The following JCAD variants were observed in gnomAD, a reference collection of about 807,000 sequenced individuals.
JCAD encodes the protein junctional cadherin 5 associated.
JCAD carries 40 observed loss-of-function variants against 98.0 expected under a neutral mutation model. The ratio of observed to expected loss-of-function variants is 0.41; its 90% CI spans 0.32 to 0.53. The LOEUF (loss-of-function observed/expected upper bound fraction) is 0.53. Ranked by LOEUF, JCAD falls within the 20% of genes least tolerant of loss-of-function variation. The pLI is 0.31. For synonymous variants in JCAD, 691 were observed against 682.3 expected, an observed-to-expected ratio of 1.01 and a Z score of -0.20; for missense variants, 1,705 against 1,738.1, an observed-to-expected ratio of 0.98 and a Z score of 0.34.
At position 30,029,414 on chromosome 10, in the gene JCAD, T is replaced by G. The variant is rs1564445552; in HGVS notation, c.734A>C (p.Glu245Ala). 1 of 1,613,924 alleles carries G rather than the reference T, an allele frequency of 6.2e-7. No homozygotes were observed. The highest frequency in any genetic ancestry group is 8.5e-7 in the Non-Finnish European group (1 of 1,179,988). ...VLSPESLSCT[E>A]IPIPLNERHS... ...TCTTTCATTTAATGGAATGGGAATT[T>G]CCGTGCAACTCAGGCTCTCGGGGGA... Residue 245 changes from glutamate (E) to alanine (A), a missense_variant, in exon 3 of 4, where the codon GAA becomes GCA. Glu to Ala is a moderately radical substitution (Grantham distance 107). Around this residue, in one of 3 missense-constraint regions of JCAD, gnomAD observed 275 missense variants for 346.9 expected, o/e 0.79. Transcript: ENST00000375377.
intron 1 of JCAD, among the ~76,000 whole-genome samples, chr10:30,084,716 C>T (rs770678688): frequency 3.3e-5 from 5 of 152,174 alleles, no homozygotes; most frequent in East Asian, 3.8e-4. Context: ...TCTCAACTCA[C>T]GCTGAAGATC....
Position 30,015,241 on chromosome 10 carries a change from G to C in JCAD, c.*2642C>G, listed in dbSNP as rs1836509896. On this transcript the variant is annotated 3_prime_UTR_variant, in exon 4 of 4. Transcript: ENST00000375377. ...TTATTAAACACCAACAGTAAATTGT[G>C]TGCATGAGAAGAACAAAGACAAATA... 1 of 152,100 alleles carries C rather than the reference G, an allele frequency of 6.6e-6. No individual in the cohort carries two copies. Among genetic ancestry groups the C allele is most frequent in the African/African-American group, 2.4e-5 (1 of 41,414 alleles). 9.4% of individuals were successfully genotyped at this position (152,100 alleles called of 1,614,324 possible).
At chr10:30,074,502 G>A (rs1007178859) in intron 1 of JCAD, among the ~76,000 whole-genome samples, 8 of 152,188 alleles carry the variant, frequency 5.3e-5, no homozygotes, top group Non-Finnish European at 1.0e-4. Context: ...ACACAATGAC[G>A]ACTTCCAGGC....
At chr10:30,019,926 G>T (rs527699473) in intron 3 of JCAD, among the ~76,000 whole-genome samples, 1 of 149,584 alleles carries the variant, frequency 6.7e-6, no homozygotes, top group Non-Finnish European at 1.5e-5. Flanking sequence ...CAATAAAGCT[G>T]GGAAAAAAAG....
At chr10:30,100,570 G>A (rs1189061079) in intron 1 of JCAD, among the ~76,000 whole-genome samples, 2 of 152,098 alleles carry the variant, frequency 1.3e-5, no homozygotes, top group African/African-American at 4.8e-5. Context: ...TTGTAGTACC[G>A]ATGGGGTTTC....
At chr10:30,064,826 C>T (rs1837756793) in intron 2 of JCAD, among the ~76,000 whole-genome samples, 1 of 152,184 alleles carries the variant, frequency 6.6e-6, no homozygotes, top group African/African-American at 2.4e-5. Context: ...CACGTGCCAC[C>T]ACGCCTGGTT....
chr10:30,020,326 CAAAAAAAAAAAAA>C (rs59762991), intron 3 of JCAD, among the ~76,000 whole-genome samples: 1 of 83,064 alleles, frequency 1.2e-5, no homozygotes, highest in Non-Finnish European at 2.4e-5. Flanking sequence ...GACTCGGTCT[CAAAAAAAAAAAAA>C]AAAAAAAAGA....
intron 2 of JCAD, among the ~76,000 whole-genome samples, chr10:30,068,635 AGTTT>A (rs754936293): frequency 1.8e-4 from 27 of 152,264 alleles, no homozygotes; most frequent in Non-Finnish European, 3.1e-4. Context: ...GTTTGGACTT[AGTTT>A]GTTTATTTGG....
At chr10:30,080,282 CA>C (rs1838059457) in intron 1 of JCAD, among the ~76,000 whole-genome samples, 1 of 152,198 alleles carries the variant, frequency 6.6e-6, no homozygotes, top group South Asian at 2.1e-4. Context: ...TTCCCATCTT[CA>C]AACAGCAACA....
rs1040514774 is a variant in JCAD, at chr10:30,014,779, G to A, written c.*3104C>T. On this transcript the variant is annotated 3_prime_UTR_variant, in exon 4 of 4. Transcript: ENST00000375377. ...TAAAACGTAAACTTCCATTAACAAC[G>A]GCCCTTCACCAACAGTAAAATGGGG... 6 of 152,058 alleles carry A rather than the reference G, an allele frequency of 3.9e-5. No homozygotes were observed. Among genetic ancestry groups the A allele is most frequent in the Non-Finnish European group, 5.9e-5 (4 of 68,022 alleles). 9.4% of individuals were successfully genotyped at this position (152,058 alleles called of 1,614,324 possible).
At chr10:30,031,744 A>G (rs1836999314) in intron 2 of JCAD, among the ~76,000 whole-genome samples, 1 of 125,654 alleles carries the variant, frequency 8.0e-6, no homozygotes, top group African/African-American at 3.1e-5. Context: ...GCCCAGCCCC[A>G]TCTGTATTTT....
Position 30,023,023 on chromosome 10 carries a change from T to C in JCAD, c.4045+3080A>G, listed in dbSNP as rs143904145. Among the ~76,000 whole-genome samples the C allele has an allele frequency of 7.2e-3, 1,093 of 152,136 alleles. 13 individuals are homozygous for C. Among genetic ancestry groups the C allele is most frequent in the African/African-American group, 0.025 (1,040 of 41,522 alleles). ...TTTTTTTTTAATATTTTATGCCATA[T>C]TTTTACTGTGCCTTTTCTTTTTGTT... On this transcript the variant is annotated intron_variant, in intron 3 of 3. Coordinates refer to ENST00000375377, the MANE Select transcript of JCAD (RefSeq NM_020848.4).
In JCAD at chr10:30,026,479, G is replaced by C. The variant is rs768607953; in HGVS notation, c.3669C>G (p.Thr1223=). The change falls in exon 3 of 4, where the codon ACC becomes ACG. Residue 1223 remains threonine, a synonymous_variant. Transcript: ENST00000375377. Reference sequence around the variant, plus strand: ...TCTTTTCAGAGCCTGCCACACTTGGGGTTCTTTCTACAAAATGGAATAAAG... The same window carrying C: ...TCTTTTCAGAGCCTGCCACACTTGGCGTTCTTTCTACAAAATGGAATAAAG... ...RSTLFHFVER[T]PSVAGSEKRL... The C allele has an allele frequency of 1.4e-4, 227 of 1,614,040 alleles. No homozygotes were observed. The highest frequency in any genetic ancestry group is 1.9e-4 in the Non-Finnish European group (219 of 1,180,030).
At position 30,027,263 on chromosome 10, in the gene JCAD, C is replaced by A. The variant is rs772809298; in HGVS notation, c.2885G>T (p.Ser962Ile). Residue 962 changes from serine (S) to isoleucine (I), a missense_variant, in exon 3 of 4, where the codon AGC becomes ATC. Physicochemically the swap from Ser to Ile is moderately radical, Grantham distance 142. Transcript: ENST00000375377. ...TSAEKRHLEV[S>I]NGMDELAGSP... ...ACCTGCCAGCTCGTCCATTCCGTTG[C>A]TAACCTCCAGGTGTCTCTTCTCTGC... 3 of 1,614,226 alleles carry A rather than the reference C, an allele frequency of 1.9e-6. No homozygotes were observed. In the East Asian group the frequency reaches 6.7e-5, roughly 36 times the overall value.
rs940111842 is a variant in JCAD, at chr10:30,013,507, T to C, written c.*4376A>G. The C allele has an allele frequency of 6.6e-6, 1 of 152,244 alleles. No homozygotes were observed. The highest frequency in any genetic ancestry group is 1.5e-5 in the Non-Finnish European group (1 of 68,058). The allele number at this position is 152,244 out of a possible 1,614,324, so 9.4% of individuals were successfully genotyped here. On this transcript the variant is annotated 3_prime_UTR_variant, in exon 4 of 4. Transcript: ENST00000375377. Reference sequence around the variant, plus strand: ...CTGCTTTTCCCCTTGCTGGGACATATGGTTTTCATTTCTGTTTGCTGCCAT... The same window carrying C: ...CTGCTTTTCCCCTTGCTGGGACATACGGTTTTCATTTCTGTTTGCTGCCAT...
At position 30,084,837 on chromosome 10, in the gene JCAD, C is replaced by CTGTG. The variant is rs1244053960; in HGVS notation, n.129-15017_129-15016insCACA. On this transcript the variant is annotated intron_variant and non_coding_transcript_variant, in intron 1 of 2. Transcript: ENST00000465712. ...TCTATCTATCTATCTATCTGTGTAT[C>CTGTG]TATCCATCCATCCATCCATCCATCT... 2.7e-5 allele frequency among the ~76,000 whole-genome samples: 4 copies of CTGTG among 150,588 alleles called. No individual in the cohort carries two copies. The East Asian group carries it at 7.8e-4, about 29-fold the overall frequency.
chr10:30,051,091 C>G (rs1414787617), intron 1 of JCAD, among the ~76,000 whole-genome samples: 1 of 152,132 alleles, frequency 6.6e-6, no homozygotes, highest in Non-Finnish European at 1.5e-5. Context: ...TCTTCCTTAA[C>G]ATCAAAAAAG....
intron 1 of JCAD, among the ~76,000 whole-genome samples, chr10:30,107,871 T>C (rs1838614468): frequency 6.6e-6 from 1 of 152,090 alleles, no homozygotes; most frequent in African/African-American, 2.4e-5. Flanking sequence ...CCTTTTCAAT[T>C]GCCTAAAGAA....
intron 1 of JCAD, among the ~76,000 whole-genome samples, chr10:30,112,848 G>A (rs1192952855): frequency 6.7e-6 from 1 of 149,208 alleles, no homozygotes; most frequent in Non-Finnish European, 1.5e-5. Flanking sequence ...CTCCAGCCTG[G>A]GCAAAAGAGC....
Sources: gnomAD v4.1 joint callset for allele counts (sites outside exome capture counted in the v4.1 genomes callset) on GRCh38, gnomAD v4.1.1 for gene constraint, gnomAD v4.1.1 regional missense constraint, MANE v1.5 for transcripts, NCBI Gene and HGNC (gene_info 2026-07-23, HGNC 2026-07-21) for gene names.